Variants in TNK2 observed in about 807,000 individuals in gnomAD.
The protein encoded by TNK2 is activated CDC42 kinase 1.
Under a neutral mutation model 101.8 loss-of-function variants are expected in TNK2, and 83 were observed. The ratio of observed to expected loss-of-function variants is 0.82; its 90% CI spans 0.68 to 0.98. The LOEUF (loss-of-function observed/expected upper bound fraction) is 0.98. TNK2 is among the 50% of genes least tolerant of loss of function. TNK2 has a pLI of 0.00. For synonymous variants in TNK2, 804 were observed against 633.0 expected, an observed-to-expected ratio of 1.27 and a Z score of -4.06; for missense variants, 1,665 against 1,483.2, an observed-to-expected ratio of 1.12 and a Z score of -2.01.
Position 195,867,836 on chromosome 3 carries a change from CG to C in TNK2, c.2461del (p.Arg821GlyfsTer27). On this transcript the variant is annotated frameshift_variant, in exon 13 of 16. Transcript: ENST00000672887. LOFTEE classifies it high-confidence loss of function. ...GGTCTTCCCAGGTGAGCTTGAGAGCCGGGGTGGCAGCGGGGAGCTGCCAGGT... is the reference window on the plus strand; with the variant it reads ...GGTCTTCCCAGGTGAGCTTGAGAGCCGGGTGGCAGCGGGGAGCTGCCAGGT... ...VPPGSSPLPPRLSSSPGKTMP... is the reference protein window; with the variant it reads ...VPPGSSPLPPXLSSSPGKTMP... 6.5e-7 allele frequency: 1 copy of C among 1,536,762 alleles called. No homozygotes were observed.
rs1692280644 is a variant in TNK2, at chr3:195,888,127, TC to T, written c.163+298del. Reference sequence around the variant, plus strand: ...TCAGAATGATGAGAACAGACTCAATTCGATGCTTATGAAGGAGGGGCAATGG... The same window carrying T: ...TCAGAATGATGAGAACAGACTCAATTGATGCTTATGAAGGAGGGGCAATGG... On this transcript the variant is annotated intron_variant, in intron 2 of 15. Coordinates refer to ENST00000672887, the MANE Select transcript of TNK2 (RefSeq NM_001382273.1). The surrounding 1 kb of genome is among the most constrained non-coding windows in gnomAD (Gnocchi z 5.3). 6.6e-6 allele frequency among the ~76,000 whole-genome samples: 1 copy of T among 152,088 alleles called. No individual in the cohort carries two copies. Among genetic ancestry groups the T allele is most frequent in the Non-Finnish European group, 1.5e-5 (1 of 68,002 alleles).
At chr3:195,887,957 T>C (rs1275365944) in intron 2 of TNK2, among the ~76,000 whole-genome samples, 2 of 19,978 alleles carry the variant, frequency 1.0e-4, no homozygotes, top group East Asian at 1.1e-3. Context: ...TGTGCCTGCG[T>C]GTGTGTGTGT....
rs776103802 is a variant in TNK2, at chr3:195,879,190, G to A, written c.888-15C>T. On this transcript the variant is annotated splice_polypyrimidine_tract_variant and intron_variant, in intron 6 of 15. Transcript: ENST00000672887. ...CGGGGGCACACCTGGCAGAGGCAGG[G>A]GTCAAAGAGAAGCCCTCTCAAACAC... 2 of 1,612,432 alleles carry A rather than the reference G, an allele frequency of 1.2e-6. No individual in the cohort carries two copies. The highest frequency in any genetic ancestry group is 1.1e-5 in the South Asian group (1 of 91,080).
At chr3:195,866,754 TC>T in intron 15 of TNK2, 134 bp downstream of exon 15, 1 of 1,312,488 alleles carries the variant, frequency 7.6e-7, no homozygotes, top group Non-Finnish European at 1.0e-6. Context: ...TGTGAGCGCC[TC>T]CCTCCCGCAG....
At position 195,867,466 on chromosome 3, in the gene TNK2, G is replaced by A; in HGVS notation, c.2832C>T (p.Asn944=). Residue 944 remains asparagine (N), a synonymous_variant, in exon 13 of 16, where the codon AAC becomes AAT. Transcript: ENST00000672887. ...TCGGGGGTGGTGGCCGGGCCCCTGG[G>A]TTGCTGTTGTTGGTGGAGAAGTTGG... ...PKANFSTNNS[N]PGARPPPPRA... is the part of the protein sequence containing the mutation. 2 of 1,584,160 alleles carry A rather than the reference G, an allele frequency of 1.3e-6. No homozygotes were observed. Among genetic ancestry groups the A allele is most frequent in the Non-Finnish European group, 1.7e-6 (2 of 1,172,714 alleles).
intron 1 of TNK2, among the ~76,000 whole-genome samples, chr3:195,900,245 C>T (rs1761064643): frequency 6.6e-6 from 1 of 151,842 alleles, no homozygotes; most frequent in Non-Finnish European, 1.5e-5. Flanking sequence ...CCCAGCTCAC[C>T]GAGAGAGAGG....
chr3:195,866,419 T>G (rs60186332), intron 15 of TNK2, among the ~76,000 whole-genome samples: 13,189 of 152,276 alleles, frequency 0.087, 1,377 homozygotes, highest in African/African-American at 0.25. Context: ...CAGGCTGGTC[T>G]CGAACTCCTG....
chr3:195,867,925 G>T lies in TNK2; in HGVS notation c.2373C>A (p.Pro791=). ...ACAGGGGCTCCCGCGGAGGCACCCG[G>T]GGAGGGGAAGCAGGTCCAGGCCACT... ...TSQWPGPASP[P]RVPPREPLSP... Residue 791 remains proline, a synonymous_variant, in exon 13 of 16, where the codon CCC becomes CCA. Transcript: ENST00000672887. 1 of 1,534,772 alleles carries T rather than the reference G, an allele frequency of 6.5e-7. No homozygotes were observed. Among genetic ancestry groups the T allele is most frequent in the East Asian group, 2.3e-5 (1 of 43,572 alleles).
chr3:195,875,749 G>C (rs1323266300), intron 9 of TNK2, among the ~76,000 whole-genome samples: 2 of 152,166 alleles, frequency 1.3e-5, no homozygotes, highest in Admixed American at 6.5e-5. Context: ...GGGCGGATGA[G>C]GACTTCCTGG....
Position 195,869,519 on chromosome 3 carries a change from A to C in TNK2, c.1566T>G (p.Pro522=). The C allele has an allele frequency of 3.2e-6, 5 of 1,550,990 alleles. No homozygotes were observed. Among genetic ancestry groups the C allele is most frequent in the Middle Eastern group, 1.7e-4 (1 of 5,946 alleles). The change falls in exon 12 of 16, where the codon CCT becomes CCG. Residue 522 remains proline, a synonymous_variant. Transcript: ENST00000672887. ...TACTCTGAGTGAAGAAGGCAGGCTG[A>C]GGTGGGCGAGGTGGAGGCTCCCCTG... ...GVKREPPPRP[P]QPAFFTQKPT... is the part of the protein sequence containing the mutation.
In TNK2 at chr3:195,878,408, T is replaced by C; in HGVS notation, c.1161+38A>G. 3.1e-6 allele frequency: 5 copies of C among 1,613,784 alleles called. No homozygotes were observed. Among genetic ancestry groups the C allele is most frequent in the Non-Finnish European group, 3.4e-6 (4 of 1,179,888 alleles). ...CTGACGCCTGGGTAGCCCCTCAGCT[T>C]GAACACCCCAGCTCTCCTGGGCTGA... On this transcript the variant is annotated intron_variant, in intron 8 of 15. Coordinates refer to ENST00000672887, the MANE Select transcript of TNK2 (RefSeq NM_001382273.1). This position sits in a 1 kb window ranked among gnomAD's most constrained non-coding sequence, Gnocchi z 4.7.
At chr3:195,887,341 G>GT (rs1231536819) in intron 2 of TNK2, among the ~76,000 whole-genome samples, 2 of 152,206 alleles carry the variant, frequency 1.3e-5, no homozygotes, top group African/African-American at 2.4e-5. Context: ...CAATGTTGAG[G>GT]TTTTTTTCCC....
Position 195,868,363 on chromosome 3 carries a change from G to T in TNK2, c.1935C>A (p.Pro645=). 1.3e-6 allele frequency: 2 copies of T among 1,597,202 alleles called. No homozygotes were observed. The highest frequency in any genetic ancestry group is 1.7e-6 in the Non-Finnish European group (2 of 1,177,324). Residue 645 remains proline (P), a synonymous_variant, in exon 13 of 16, where the codon CCC becomes CCA. Coordinates refer to ENST00000672887, the MANE Select transcript of TNK2 (RefSeq NM_001382273.1). The part of the protein sequence containing the change: ...PVVDWDARPL[P]PPPAYDDVAQ... ...CCACGTCGTCATAGGCGGGCGGGGGGGGCAGCGGGCGTGCGTCCCAGTCCA... is the reference window on the plus strand; with the variant it reads ...CCACGTCGTCATAGGCGGGCGGGGGTGGCAGCGGGCGTGCGTCCCAGTCCA...
intron 12 of TNK2, 32 bp from the exon 13 acceptor site, chr3:195,868,741 GCAGT>G: frequency 6.6e-7 from 1 of 1,519,994 alleles, no homozygotes; most frequent in Non-Finnish European, 8.8e-7. Context: ...CAACAGGAAG[GCAGT>G]CAGGCAGGGT....
chr3:195,867,695 T>C lies in TNK2; in HGVS notation c.2603A>G (p.Lys868Arg), dbSNP rs139623696. ...CAAGTAATAGTGGGTGCTGCTGACC[T>C]TCTTGCCATCCCGGACGATGGGCAG... ...CILPIVRDGK[K>R]VSSTHYYLLP... is the part of the protein sequence containing the mutation. Residue 868 changes from lysine to arginine, a missense_variant, in exon 13 of 16, where the codon AAG (lysine) becomes AGG (arginine). Physicochemically the swap from Lys to Arg is conservative, Grantham distance 26. This residue lies in a region of TNK2 where 1,136 missense variants were observed against 894.9 expected (regional missense o/e 1.27). Coordinates refer to ENST00000672887, the MANE Select transcript of TNK2 (RefSeq NM_001382273.1). 2 of 1,608,916 alleles carry C rather than the reference T, an allele frequency of 1.2e-6. No homozygotes were observed. Among genetic ancestry groups the C allele is most frequent in the Non-Finnish European group, 1.7e-6 (2 of 1,179,010 alleles).
Position 195,868,551 on chromosome 3 carries a change from C to T in TNK2, c.1747G>A (p.Val583Ile). 1.3e-6 allele frequency: 2 copies of T among 1,572,170 alleles called. No homozygotes were observed. Among genetic ancestry groups the T allele is most frequent in the Non-Finnish European group, 1.7e-6 (2 of 1,167,256 alleles). ...TCCTCACCGAAGTCGATGAGCGTGA[C>T]CTCAGCCCCGCTGCCTCGGCTGGCC... ...TKASRGSGAEVTLIDFGEEPV... is the reference protein window; with the variant it reads ...TKASRGSGAEITLIDFGEEPV... The change falls in exon 13 of 16, where the codon GTC becomes ATC. Residue 583 changes from valine (V) to isoleucine (I), a missense_variant. By Grantham distance (29) the Val-to-Ile change is conservative. This residue lies in a region of TNK2 where 1,136 missense variants were observed against 894.9 expected (regional missense o/e 1.27). Transcript: ENST00000672887.
chr3:195,863,968 G>T lies in TNK2; in HGVS notation c.*213C>A. 1 of 574,654 alleles carries T rather than the reference G, an allele frequency of 1.7e-6. No individual in the cohort carries two copies. Among genetic ancestry groups the T allele is most frequent in the Non-Finnish European group, 3.1e-6 (1 of 326,668 alleles). The allele number at this position is 574,654 out of a possible 1,614,324, so 35.6% of individuals were successfully genotyped here. A position where few individuals can be genotyped will look rare whatever the true frequency, so the allele number is the denominator to read the frequency against. ...CTTCCACATCTTGGCAGGGGCACCG[G>T]GACTGAACCAAAGTGTGCAGGGACA... is the stretch of plus-strand genomic sequence containing the variant. On this transcript the variant is annotated 3_prime_UTR_variant, in exon 16 of 16. Coordinates refer to ENST00000672887, the MANE Select transcript of TNK2 (RefSeq NM_001382273.1).
intron 9 of TNK2, 81 bp from the exon 10 acceptor site, chr3:195,872,551 C>CTG (rs1359059341): frequency 2.9e-5 from 41 of 1,421,294 alleles, no homozygotes; most frequent in Middle Eastern, 2.5e-4. Flanking sequence ...ACCCTGGCCA[C>CTG]TGTGGCAGAA....
At chr3:195,876,903 T>C (rs1749706830) in intron 9 of TNK2, among the ~76,000 whole-genome samples, 1 of 152,148 alleles carries the variant, frequency 6.6e-6, no homozygotes, top group African/African-American at 2.4e-5. Context: ...CTGGGGACAC[T>C]GGCAGGCACA....
Sources: gnomAD v4.1 joint callset for allele counts (sites outside exome capture counted in the v4.1 genomes callset) on GRCh38, gnomAD v4.1.1 for gene constraint, gnomAD v4.1.1 regional missense constraint, Gnocchi (gnomAD v3.1) non-coding constraint, MANE v1.5 for transcripts, NCBI Gene and HGNC (gene_info 2026-07-23, HGNC 2026-07-21) for gene names.